Variants in SCGN observed in about 807,000 individuals in gnomAD.
SCGN encodes secretagogin.
In SCGN, 30 loss-of-function variants were observed where a neutral mutation model predicts 39.7. The observed-to-expected ratio is 0.76, with a 90% CI of 0.57 to 1.03. SCGN has a LOEUF of 1.03. SCGN is among the 50% of genes least tolerant of loss of function. The probability of loss-of-function intolerance (pLI) is 0.00; values close to 1 mark genes in which losing one functional copy is unlikely to be tolerated. For missense variants in SCGN, 353 were observed against 349.4 expected, an observed-to-expected ratio of 1.01 and a Z score of -0.08; for synonymous variants, 106 against 114.1, an observed-to-expected ratio of 0.93 and a Z score of 0.45.
At chr6:25,658,593 T>C (rs1760273529) in intron 2 of SCGN, among the ~76,000 whole-genome samples, 1 of 152,238 alleles carries the variant, frequency 6.6e-6, no homozygotes, top group African/African-American at 2.4e-5. Flanking sequence ...TTTTAAAGAA[T>C]AGCTATACAT....
intron 7 of SCGN, among the ~76,000 whole-genome samples, chr6:25,685,435 T>C (rs956001471): frequency 2.0e-5 from 3 of 152,202 alleles, no homozygotes; most frequent in African/African-American, 4.8e-5. Context: ...GCCTGGTGCC[T>C]GCAAATACTA....
At position 25,661,561 on chromosome 6, in the gene SCGN, A is replaced by C. The variant is rs779873530; in HGVS notation, c.163A>C (p.Met55Leu). ...GTTTGGTCAATTGCAGGACACGGTCATGAAAGCAAATTTGCACAAGGTGAA... is the reference window on the plus strand; with the variant it reads ...GTTTGGTCAATTGCAGGACACGGTCCTGAAAGCAAATTTGCACAAGGTGAA... ...LMKLGTDDTV[M>L]KANLHKVKQQ... is the part of the protein sequence containing the mutation. Residue 55 changes from methionine (M) to leucine (L), a missense_variant, in exon 3 of 11, where the codon ATG becomes CTG. By Grantham distance (15) the Met-to-Leu change is conservative (BLOSUM62 2). Coordinates refer to ENST00000377961, the MANE Select transcript of SCGN (RefSeq NM_006998.4). 2 of 1,613,294 alleles carry C rather than the reference A, an allele frequency of 1.2e-6. No homozygotes were observed. The highest frequency in any genetic ancestry group is 2.2e-5 in the South Asian group (2 of 90,972).
In SCGN at chr6:25,661,442, C is replaced by G. The variant is rs570628910; in HGVS notation, c.154-110C>G. ...TTTAAATGGTCAAGGAACCTGCTTT[C>G]CATGTTTGAAAAACATAATTTTCAC... On this transcript the variant is annotated intron_variant, in intron 2 of 10. Transcript: ENST00000377961. The G allele has an allele frequency of 1.2e-4, 89 of 748,078 alleles. No individual in the cohort carries two copies. In the African/African-American group the frequency reaches 1.5e-3, roughly 12 times the overall value. 46.3% of individuals were successfully genotyped at this position (748,078 alleles called of 1,614,324 possible).
intron 2 of SCGN, among the ~76,000 whole-genome samples, chr6:25,655,154 G>C (rs1330394132): frequency 6.6e-6 from 1 of 152,192 alleles, no homozygotes; most frequent in East Asian, 1.9e-4. Context: ...AAAAGACAAA[G>C]TTAAAACCAT....
chr6:25,672,909 A>G (rs141025122), intron 6 of SCGN, among the ~76,000 whole-genome samples: 153 of 152,240 alleles, frequency 1.0e-3, no homozygotes, highest in African/African-American at 3.3e-3. Flanking sequence ...TTTCCTGATG[A>G]ATCAGGTGGG....
chr6:25,688,418 C>T (rs928034274), intron 7 of SCGN, among the ~76,000 whole-genome samples: 1 of 152,182 alleles, frequency 6.6e-6, no homozygotes, highest in Admixed American at 6.5e-5. Context: ...TGTCTTGAAC[C>T]AGTAAGTCTC....
At chr6:25,687,132 C>G (rs147297352) in intron 7 of SCGN, among the ~76,000 whole-genome samples, 1 of 152,194 alleles carries the variant, frequency 6.6e-6, no homozygotes, top group African/African-American at 2.4e-5. Flanking sequence ...AGTCCTCAAA[C>G]TTTGTTCCTC....
chr6:25,683,655 G>A (rs1759666415), intron 7 of SCGN, among the ~76,000 whole-genome samples: 1 of 152,220 alleles, frequency 6.6e-6, no homozygotes, highest in South Asian at 2.1e-4. Flanking sequence ...TACAATCATA[G>A]TGAAGATATA....
intron 3 of SCGN, among the ~76,000 whole-genome samples, chr6:25,664,637 C>T (rs1329961248): frequency 1.3e-5 from 2 of 152,162 alleles, no homozygotes; most frequent in African/African-American, 4.8e-5. Flanking sequence ...GTGCCTGGAA[C>T]ATATCAAGCA....
In SCGN at chr6:25,694,200, C is replaced by T. The variant is rs190767784; in HGVS notation, c.702+3076C>T. 2.3e-4 allele frequency among the ~76,000 whole-genome samples: 35 copies of T among 152,226 alleles called. No homozygotes were observed. The East Asian group carries it at 6.6e-3, about 29-fold the overall frequency. On this transcript the variant is annotated intron_variant, in intron 10 of 10. Coordinates refer to ENST00000377961, the MANE Select transcript of SCGN (RefSeq NM_006998.4). ...TATAACCAGTAATTTTGCTGGATCC[C>T]TTCTTAAAAAGTCATGATTTTTGAA...
chr6:25,677,545 A>G (rs2151380275), intron 6 of SCGN, among the ~76,000 whole-genome samples: 1 of 152,334 alleles, frequency 6.6e-6, no homozygotes, highest in East Asian at 1.9e-4. Flanking sequence ...TAAAAAAATA[A>G]CTGCTAAAGA....
At chr6:25,678,217 G>A (rs1408731653) in intron 6 of SCGN, among the ~76,000 whole-genome samples, 1 of 152,102 alleles carries the variant, frequency 6.6e-6, no homozygotes, top group Non-Finnish European at 1.5e-5. Context: ...AAAAGCAGTG[G>A]TAGAGGTGGG....
At chr6:25,699,609 A>AAGAAAAG (rs1759882780) in intron 10 of SCGN, among the ~76,000 whole-genome samples, 2 of 151,426 alleles carry the variant, frequency 1.3e-5, no homozygotes, top group Non-Finnish European at 2.9e-5. Context: ...AAAAAAAAAA[A>AAGAAAAG]AGAAAAGAAA....
chr6:25,659,007 T>A (rs1454588439), intron 2 of SCGN, among the ~76,000 whole-genome samples: 2 of 152,228 alleles, frequency 1.3e-5, no homozygotes, highest in African/African-American at 4.8e-5. Context: ...TCACAGCATC[T>A]TTTCTACCTC....
At chr6:25,686,004 C>T (rs1173517429) in intron 7 of SCGN, among the ~76,000 whole-genome samples, 1 of 152,144 alleles carries the variant, frequency 6.6e-6, no homozygotes, top group East Asian at 1.9e-4. Flanking sequence ...ACAATATGTG[C>T]CTTTCCTATC....
intron 2 of SCGN, among the ~76,000 whole-genome samples, chr6:25,654,340 T>C (rs972638436): frequency 6.6e-6 from 1 of 152,210 alleles, no homozygotes; most frequent in Non-Finnish European, 1.5e-5. Flanking sequence ...CAGGGGAAGC[T>C]GGTTCAGAAA....
intron 10 of SCGN, among the ~76,000 whole-genome samples, chr6:25,693,042 T>C (rs1759791634): frequency 6.6e-6 from 1 of 152,194 alleles, no homozygotes; most frequent in African/African-American, 2.4e-5. Flanking sequence ...ATCCATTATA[T>C]GGGCACAACA....
chr6:25,693,451 C>CAAAA (rs11376402), intron 10 of SCGN, among the ~76,000 whole-genome samples: 23 of 48,334 alleles, frequency 4.8e-4, no homozygotes, highest in African/African-American at 9.5e-4. Context: ...GACTCCGTCT[C>CAAAA]AAAAAAAAAA....
At chr6:25,660,719 A>C (rs1158962811) in intron 2 of SCGN, among the ~76,000 whole-genome samples, 2 of 152,094 alleles carry the variant, frequency 1.3e-5, no homozygotes, top group Non-Finnish European at 2.9e-5. Flanking sequence ...AGTCACCTCC[A>C]CCCCCAACAC....
Sources: gnomAD v4.1 joint callset for allele counts (sites outside exome capture counted in the v4.1 genomes callset) on GRCh38, gnomAD v4.1.1 for gene constraint, MANE v1.5 for transcripts, NCBI Gene and HGNC (gene_info 2026-07-23, HGNC 2026-07-21) for gene names.